BMAL2: variants seen among roughly 807,000 people sequenced by gnomAD.
BMAL2 encodes basic helix-loop-helix ARNT like 2, also known as basic helix-loop-helix ARNT-like protein 2.
the BMAL2 span, among the ~76,000 whole-genome samples, chr12:27,407,172 T>C: frequency 6.6e-5 from 10 of 152,174 alleles, no homozygotes; most frequent in African/African-American, 2.4e-4. Context: ...CTGTCAACAT[T>C]AGACAGATCA....
At chr12:27,401,668 T>C in the BMAL2 span, 9 of 1,577,770 alleles carry the variant, frequency 5.7e-6, no homozygotes, top group Admixed American at 1.1e-4. Context: ...GTCAACACTT[T>C]AGTTTTGTAA....
chr12:27,342,815 A>C, the BMAL2 span, among the ~76,000 whole-genome samples: 2 of 152,242 alleles, frequency 1.3e-5, no homozygotes, highest in African/African-American at 4.8e-5. Context: ...AGAGAGACTA[A>C]ATCCAATTCT....
At chr12:27,413,868 G>A in the BMAL2 span, among the ~76,000 whole-genome samples, 1 of 152,130 alleles carries the variant, frequency 6.6e-6, no homozygotes, top group East Asian at 1.9e-4. Flanking sequence ...AGACAGAATA[G>A]ATGTTAAGTC....
At chr12:27,337,302 A>G in the BMAL2 span, among the ~76,000 whole-genome samples, 1 of 152,246 alleles carries the variant, frequency 6.6e-6, no homozygotes. Flanking sequence ...AAAGTGTTTT[A>G]CTTACAACAT....
At chr12:27,355,224 G>C in the BMAL2 span, among the ~76,000 whole-genome samples, 2 of 152,060 alleles carry the variant, frequency 1.3e-5, no homozygotes, top group African/African-American at 4.8e-5. Flanking sequence ...TATTCTTAGA[G>C]ACATTTCCTC....
chr12:27,404,404 C>T, the BMAL2 span, among the ~76,000 whole-genome samples: 1 of 151,842 alleles, frequency 6.6e-6, no homozygotes, highest in Non-Finnish European at 1.5e-5. Flanking sequence ...TTCAGAAATA[C>T]AATCAAATGC....
the BMAL2 span, chr12:27,387,320 G>C: frequency 1.3e-6 from 2 of 1,571,620 alleles, no homozygotes; most frequent in Non-Finnish European, 1.7e-6. Flanking sequence ...ATTATGATCA[G>C]GTATCCAAAA....
the BMAL2 span, chr12:27,387,282 G>A: frequency 3.8e-5 from 61 of 1,611,726 alleles, no homozygotes; most frequent in Middle Eastern, 1.6e-4. Flanking sequence ...AATTCTCTTC[G>A]TTTCTAAGTC....
chr12:27,350,978 A>ACTC, the BMAL2 span, among the ~76,000 whole-genome samples: 1 of 48,326 alleles, frequency 2.1e-5, no homozygotes, highest in Non-Finnish European at 3.9e-5. Flanking sequence ...CCATGCCCAG[A>ACTC]CCCCACCCAC....
chr12:27,362,118 G>T, the BMAL2 span, among the ~76,000 whole-genome samples: 5 of 152,168 alleles, frequency 3.3e-5, no homozygotes, highest in African/African-American at 9.7e-5. Flanking sequence ...AGGGGGAATG[G>T]TTGAGGGTCT....
At chr12:27,378,250 C>G in the BMAL2 span, among the ~76,000 whole-genome samples, 3 of 152,162 alleles carry the variant, frequency 2.0e-5, no homozygotes, top group African/African-American at 4.8e-5. Flanking sequence ...GCATTTCTTT[C>G]TCTTGTGATG....
chr12:27,380,378 C>T, the BMAL2 span: 1 of 1,614,010 alleles, frequency 6.2e-7, no homozygotes, highest in Non-Finnish European at 8.5e-7. Context: ...TTAAGAATGG[C>T]TGTTCAACAC....
At chr12:27,418,271 CA>C in the BMAL2 span, 1 of 1,014,396 alleles carries the variant, frequency 9.9e-7, no homozygotes, top group Non-Finnish European at 1.5e-6. Flanking sequence ...TTTTCAGGCA[CA>C]GGAAATTTGT....
the BMAL2 span, chr12:27,415,964 A>G: frequency 3.4e-6 from 5 of 1,473,330 alleles, no homozygotes; most frequent in African/African-American, 2.8e-5. Context: ...ATACTTGTAA[A>G]TGATAATATT....
the BMAL2 span, among the ~76,000 whole-genome samples, chr12:27,375,884 AG>A: frequency 6.6e-6 from 1 of 152,180 alleles, no homozygotes; most frequent in South Asian, 2.1e-4. Flanking sequence ...GTTACCATCC[AG>A]GTGGATTTTT....
chr12:27,421,668 TATAG>T, the BMAL2 span: 1 of 152,236 alleles, frequency 6.6e-6, no homozygotes, highest in African/African-American at 2.4e-5. Flanking sequence ...AGATCTCTAT[TATAG>T]ATAGATTAGG....
the BMAL2 span, chr12:27,400,813 G>A: frequency 6.6e-7 from 1 of 1,519,994 alleles, no homozygotes; most frequent in Admixed American, 2.0e-5. Context: ...AATTCAATGG[G>A]ATATTTGAAG....
At chr12:27,417,136 G>A in the BMAL2 span, among the ~76,000 whole-genome samples, 767 of 152,220 alleles carry the variant, frequency 5.0e-3, 3 homozygotes, top group African/African-American at 0.017. Flanking sequence ...AGTAGTGTAC[G>A]TTATGTAAGC....
At chr12:27,388,364 CAT>C in the BMAL2 span, among the ~76,000 whole-genome samples, 6 of 152,100 alleles carry the variant, frequency 3.9e-5, no homozygotes, top group Admixed American at 6.5e-5. Context: ...TAGAATGAAA[CAT>C]ATAACCGCCA....
Sources: gnomAD v4.1 joint callset for allele counts (sites outside exome capture counted in the v4.1 genomes callset) on GRCh38, gnomAD v4.1.1 for gene constraint, MANE v1.5 for transcripts, NCBI Gene and HGNC (gene_info 2026-07-23, HGNC 2026-07-21) for gene names.